The following CACNA1C variants were observed in gnomAD, a reference collection of about 807,000 sequenced individuals.
CACNA1C encodes calcium voltage-gated channel subunit alpha1 C.
A neutral mutation model predicts 229.0 loss-of-function variants in CACNA1C; 30 were observed. The observed-to-expected ratio is 0.13, with a 90% CI of 0.10 to 0.18. The LOEUF (loss-of-function observed/expected upper bound fraction) is 0.18, where lower values mean the gene tolerates loss of function less well. Among genes scored for constraint, CACNA1C ranks in the 10% least tolerant of loss-of-function variants. CACNA1C has a pLI of 1.00. For synonymous variants in CACNA1C, 1,114 were observed against 1,132.5 expected (o/e 0.98, Z 0.33); for missense variants, 1,658 against 2,845.0 (o/e 0.58, Z 9.49).
At chr12:2,025,144 C>G (rs2047093365) in intron 1 of CACNA1C, among the ~76,000 whole-genome samples, 1 of 152,200 alleles carries the variant, frequency 6.6e-6, no homozygotes, top group Non-Finnish European at 1.5e-5. Flanking sequence ...TTCTCTGTCT[C>G]TTTGTGCAAT....
chr12:2,106,063 G>A (rs2078348454), intron 1 of CACNA1C, among the ~76,000 whole-genome samples: 1 of 51,256 alleles, frequency 2.0e-5, no homozygotes, highest in African/African-American at 5.8e-5. Flanking sequence ...CGCCCACCCT[G>A]GAGAAGGTTT....
chr12:2,294,148 A>G (rs115494866), intron 3 of CACNA1C, among the ~76,000 whole-genome samples: 1 of 152,330 alleles, frequency 6.6e-6, no homozygotes, highest in African/African-American at 2.4e-5. Flanking sequence ...TAATATATTA[A>G]TGAAGAGTAT....
chr12:2,359,419 T>C (rs909262610), intron 3 of CACNA1C, among the ~76,000 whole-genome samples: 2 of 152,220 alleles, frequency 1.3e-5, no homozygotes, highest in Non-Finnish European at 2.9e-5. Context: ...GTATTTATTG[T>C]ACTACCTTCC....
At chr12:1,973,133 T>G (rs2033074588) in intron 1 of CACNA1C, among the ~76,000 whole-genome samples, 1 of 152,230 alleles carries the variant, frequency 6.6e-6, no homozygotes, top group South Asian at 2.1e-4. Flanking sequence ...ACGGACACAA[T>G]CTTGTAAAAC....
At chr12:2,428,946 G>T (rs1031758379) in intron 3 of CACNA1C, among the ~76,000 whole-genome samples, 1 of 152,226 alleles carries the variant, frequency 6.6e-6, no homozygotes, top group Admixed American at 6.5e-5. Context: ...ACCATGAACA[G>T]AGTGGCTTAA....
In CACNA1C at chr12:1,971,235, A is replaced by C. The variant is rs34319177; in HGVS notation, c.139+34A>C. On this transcript the variant is annotated intron_variant, in intron 1 of 46. Transcript: ENST00000682462. The surrounding 1 kb of genome is among the most constrained non-coding windows in gnomAD (Gnocchi z 4.2). ...CCCTAAAGTGAAATAAAGAGTAGGA[A>C]GAACATGTTGAAATTTACTCTAAAT... is the stretch of plus-strand genomic sequence containing the variant. 6,365 of 1,216,820 alleles carry C rather than the reference A, an allele frequency of 5.2e-3. 20 individuals carry two copies. The highest frequency in any genetic ancestry group is 6.1e-3 in the Non-Finnish European group (5,665 of 924,740). The allele number at this position is 1,216,820 out of a possible 1,614,324, so 75.4% of individuals were successfully genotyped here.
At chr12:2,423,264 G>T (rs1340715047) in intron 3 of CACNA1C, among the ~76,000 whole-genome samples, 1 of 152,126 alleles carries the variant, frequency 6.6e-6, no homozygotes, top group Admixed American at 6.5e-5. Context: ...GCACTTGCAT[G>T]TATCTGACCA....
Position 2,665,423 on chromosome 12 carries a change from A to G in CACNA1C, c.4399-158A>G, listed in dbSNP as rs941938395. Among the ~76,000 whole-genome samples the G allele has an allele frequency of 6.6e-6, 1 of 152,200 alleles. No homozygotes were observed. Among genetic ancestry groups the G allele is most frequent in the Non-Finnish European group, 1.5e-5 (1 of 68,042 alleles). On this transcript the variant is annotated intron_variant, in intron 35 of 46. Transcript: ENST00000399655. The surrounding 1 kb of genome is among the most constrained non-coding windows in gnomAD (Gnocchi z 5.9). ...CTCTCAGGGAAACTGTGTCAAGTTT[A>G]TGTCCAAGAGACCCAGGTTCTCAGG...
chr12:2,204,894 GTAAC>G (rs1566374905), intron 3 of CACNA1C, among the ~76,000 whole-genome samples: 2 of 149,776 alleles, frequency 1.3e-5, no homozygotes, highest in Non-Finnish European at 3.0e-5. Flanking sequence ...GTATACATAT[GTAAC>G]TAACCTGCAC....
rs1481230748 is a variant in CACNA1C at position 2,685,752 on chromosome 12, G to A, written c.5590G>A (p.Asp1864Asn). ...LSTEMLSYQD[D>N]ENRQLTLPEE... ...CTGTTCCAGGCTCTCCTACCAGGAT[G>A]ACGAAAATCGGCAACTGACGCTCCC... Residue 1864 changes from aspartate to asparagine, a missense_variant, in exon 44 of 47, where the codon GAC becomes AAC. Asp to Asn is a conservative substitution (Grantham distance 23). Transcript: ENST00000399655. 1 of 1,613,588 alleles carries A rather than the reference G, an allele frequency of 6.2e-7. No individual in the cohort carries two copies.
intron 3 of CACNA1C, among the ~76,000 whole-genome samples, chr12:2,428,093 T>C (rs1426124290): frequency 2.0e-5 from 3 of 152,180 alleles, no homozygotes; most frequent in Admixed American, 6.5e-5. Context: ...AAACCTGTTT[T>C]AATTACACCT....
intron 3 of CACNA1C, among the ~76,000 whole-genome samples, chr12:2,128,997 T>C (rs566925547): frequency 3.2e-4 from 48 of 152,328 alleles, no homozygotes; most frequent in Admixed American, 2.7e-3. Context: ...GCCATTCTGC[T>C]ACAGCTGCCT....
At chr12:2,598,464 C>T (rs927613566) in intron 21 of CACNA1C, among the ~76,000 whole-genome samples, 1 of 152,172 alleles carries the variant, frequency 6.6e-6, no homozygotes, top group Non-Finnish European at 1.5e-5. Context: ...CCTCAGGGAA[C>T]GTGTGCTCCT....
rs74053839 is a variant in CACNA1C at position 2,585,656 on chromosome 12, T to G, written c.2460+160T>G. ...AACAGGAGAGCTGGGAGGGGGAAGA[T>G]AAGGCAGATTGGCTGGATCCCAGCC... On this transcript the variant is annotated intron_variant, in intron 17 of 46. Coordinates refer to ENST00000399655, the MANE Select transcript of CACNA1C (RefSeq NM_000719.7). The surrounding 1 kb of genome is among the most constrained non-coding windows in gnomAD (Gnocchi z 4.1). Among the ~76,000 whole-genome samples the G allele has an allele frequency of 0.043, 6,552 of 152,142 alleles. 493 individuals are homozygous for G. The highest frequency in any genetic ancestry group is 0.15 in the African/African-American group (6,184 of 41,486).
chr12:2,213,187 C>T (rs534534100), intron 3 of CACNA1C, among the ~76,000 whole-genome samples: 2 of 152,238 alleles, frequency 1.3e-5, no homozygotes, highest in South Asian at 4.1e-4. Flanking sequence ...GCTGGACGGG[C>T]ATCTGACAGC....
chr12:2,256,500 G>A (rs529746609), intron 3 of CACNA1C, among the ~76,000 whole-genome samples: 1 of 152,166 alleles, frequency 6.6e-6, no homozygotes, highest in Non-Finnish European at 1.5e-5. Flanking sequence ...GCTTCATGCT[G>A]TTTGGAAAAT....
chr12:2,196,929 G>T (rs951885267), intron 3 of CACNA1C, among the ~76,000 whole-genome samples: 1 of 152,228 alleles, frequency 6.6e-6, no homozygotes, highest in East Asian at 1.9e-4. Context: ...AGCCAGGGGG[G>T]CTGGGGAAAG....
intron 3 of CACNA1C, among the ~76,000 whole-genome samples, chr12:2,300,383 G>T (rs1222045982): frequency 6.6e-6 from 1 of 152,204 alleles, no homozygotes; most frequent in Non-Finnish European, 1.5e-5. Context: ...ACTTTGGAAG[G>T]CTGATTGCAG....
rs977620696 is a variant in CACNA1C at position 2,433,261 on chromosome 12, G to C, written c.478-15715G>C. Among the ~76,000 whole-genome samples, 12 of 152,324 alleles carry C rather than the reference G, an allele frequency of 7.9e-5. No homozygotes were observed. The East Asian group carries it at 1.7e-3, about 22-fold the overall frequency. On this transcript the variant is annotated intron_variant, in intron 3 of 46. Transcript: ENST00000399655. The stretch of plus-strand genomic sequence containing the variant: ...CAGAGGCCAAGGAGGCATCCATCCT[G>C]GTGTAGCTGATGTGCTTGGGGCCAC...
Sources: gnomAD v4.1 joint callset for allele counts (sites outside exome capture counted in the v4.1 genomes callset) on GRCh38, gnomAD v4.1.1 for gene constraint, Gnocchi (gnomAD v3.1) non-coding constraint, MANE v1.5 for transcripts, NCBI Gene and HGNC (gene_info 2026-07-23, HGNC 2026-07-21) for gene names.